KLHL1: variants seen among roughly 807,000 people sequenced by gnomAD.
KLHL1 encodes the protein kelch-like protein 1.
KLHL1 carries 47 observed loss-of-function variants against 77.7 expected under a neutral mutation model. The ratio of observed to expected loss-of-function variants is 0.60; its 90% CI spans 0.48 to 0.77. The LOEUF (loss-of-function observed/expected upper bound fraction) is 0.77. Among genes scored for constraint, KLHL1 ranks in the 30% least tolerant of loss-of-function variants. KLHL1 has a pLI of 0.00. For missense variants in KLHL1, 925 were observed against 910.8 expected (o/e 1.02, Z -0.20); for synonymous variants, 360 against 325.2 (o/e 1.11, Z -1.15).
chr13:69,867,622 A>G lies in KLHL1; in HGVS notation c.1227+14661T>C, dbSNP rs575296952. Among the ~76,000 whole-genome samples, 178 of 152,160 alleles carry G rather than the reference A, an allele frequency of 1.2e-3. 1 individual carries two copies. The highest frequency in any genetic ancestry group is 2.1e-3 in the Non-Finnish European group (146 of 67,996). On this transcript the variant is annotated intron_variant, in intron 5 of 10. Coordinates refer to ENST00000377844, the MANE Select transcript of KLHL1 (RefSeq NM_020866.3). ...TTATAATTAATTTGATTACTTAAAA[A>G]TGTATTTATTAAATCATCATTTCAT...
intron 7 of KLHL1, among the ~76,000 whole-genome samples, chr13:69,754,976 C>T (rs1002940725): frequency 3.9e-5 from 6 of 152,086 alleles, no homozygotes; most frequent in African/African-American, 1.4e-4. Flanking sequence ...ATCTATGACC[C>T]TGCAATACTT....
intron 7 of KLHL1, among the ~76,000 whole-genome samples, chr13:69,761,113 C>A (rs777187801): frequency 2.6e-5 from 4 of 152,074 alleles, no homozygotes; most frequent in Non-Finnish European, 4.4e-5. Flanking sequence ...AACCTTAAGA[C>A]AAATTAAATT....
At chr13:69,777,323 T>G (rs941444947) in intron 7 of KLHL1, among the ~76,000 whole-genome samples, 3 of 152,168 alleles carry the variant, frequency 2.0e-5, no homozygotes, top group African/African-American at 7.2e-5. Context: ...CTCTATTATT[T>G]GAAATTTGGG....
At position 69,972,430 on chromosome 13, in the gene KLHL1, T is replaced by G. The variant is rs116053544; in HGVS notation, c.680+3190A>C. On this transcript the variant is annotated intron_variant, in intron 2 of 10. Transcript: ENST00000377844. ...GTCTGTAGAATAGGATACTTTTCTA[T>G]CTATCAAATATCATCATTTTATTCT... Among the ~76,000 whole-genome samples, 352 of 152,078 alleles carry G rather than the reference T, an allele frequency of 2.3e-3. 5 individuals carry two copies. Among genetic ancestry groups the G allele is most frequent in the African/African-American group, 8.0e-3 (334 of 41,572 alleles).
chr13:70,003,003 C>A (rs1885333676), intron 1 of KLHL1, among the ~76,000 whole-genome samples: 1 of 151,282 alleles, frequency 6.6e-6, no homozygotes, highest in Admixed American at 6.6e-5. Flanking sequence ...TGTAGATATG[C>A]AAATAAATAA....
chr13:69,954,395 T>C (rs370103127), intron 3 of KLHL1, among the ~76,000 whole-genome samples: 5 of 151,098 alleles, frequency 3.3e-5, no homozygotes, highest in South Asian at 4.2e-4. Context: ...CTTGGAAAAA[T>C]GGTGATTGAA....
chr13:70,007,680 T>C (rs940746934), intron 1 of KLHL1, among the ~76,000 whole-genome samples: 2 of 152,032 alleles, frequency 1.3e-5, no homozygotes, highest in African/African-American at 4.8e-5. Flanking sequence ...AACCATTATA[T>C]AGAAAATAAT....
At chr13:69,919,375 A>C (rs1271610030) in intron 4 of KLHL1, among the ~76,000 whole-genome samples, 1 of 152,076 alleles carries the variant, frequency 6.6e-6, no homozygotes, top group Non-Finnish European at 1.5e-5. Flanking sequence ...GACAGACATA[A>C]ATTTTTCTTT....
At chr13:70,043,112 C>T (rs950042325) in intron 1 of KLHL1, among the ~76,000 whole-genome samples, 2 of 152,090 alleles carry the variant, frequency 1.3e-5, no homozygotes, top group African/African-American at 2.4e-5. Flanking sequence ...ACCATGTTAG[C>T]CAGGCTGATC....
intron 1 of KLHL1, among the ~76,000 whole-genome samples, chr13:70,061,607 T>C (rs1263201450): frequency 2.0e-5 from 3 of 152,100 alleles, no homozygotes; most frequent in African/African-American, 7.2e-5. Context: ...ACAATCCAAT[T>C]TGTAGCTTTT....
At chr13:69,932,292 T>C (rs1371085713) in intron 4 of KLHL1, among the ~76,000 whole-genome samples, 4 of 151,756 alleles carry the variant, frequency 2.6e-5, no homozygotes, top group Non-Finnish European at 5.9e-5. Context: ...GATTTTTGTA[T>C]GTATAAAAAC....
At chr13:69,720,532 C>T (rs1872996795) in intron 8 of KLHL1, among the ~76,000 whole-genome samples, 1 of 152,010 alleles carries the variant, frequency 6.6e-6, no homozygotes, top group African/African-American at 2.4e-5. Context: ...ACATAAATGT[C>T]ATTTACTACT....
chr13:70,066,480 G>A (rs572533597), intron 1 of KLHL1, among the ~76,000 whole-genome samples: 1 of 152,260 alleles, frequency 6.6e-6, no homozygotes, highest in South Asian at 2.1e-4. Context: ...AGGTCAATGA[G>A]TTATGACATC....
intron 5 of KLHL1, among the ~76,000 whole-genome samples, chr13:69,880,828 C>T (rs11843309): frequency 0.021 from 3,173 of 152,208 alleles, 111 homozygotes; most frequent in African/African-American, 0.071. Context: ...CCAAACTCCC[C>T]ACATTTCAAC....
intron 5 of KLHL1, among the ~76,000 whole-genome samples, chr13:69,849,838 T>C (rs1879614456): frequency 6.6e-6 from 1 of 151,504 alleles, no homozygotes; most frequent in Non-Finnish European, 1.5e-5. Context: ...CTTGAATCTA[T>C]TAATTTATTT....
At chr13:69,744,769 G>T (rs1874137593) in intron 7 of KLHL1, among the ~76,000 whole-genome samples, 1 of 151,730 alleles carries the variant, frequency 6.6e-6, no homozygotes, top group Admixed American at 6.6e-5. Flanking sequence ...ATTTAAAGTT[G>T]TTATCTGTGA....
chr13:69,736,471 A>C (rs933583191), intron 8 of KLHL1, among the ~76,000 whole-genome samples: 21 of 152,298 alleles, frequency 1.4e-4, no homozygotes, highest in Non-Finnish European at 1.5e-5. Flanking sequence ...CTTCTATGGA[A>C]AACAGTGTGG....
chr13:70,007,533 T>C (rs966392472), intron 1 of KLHL1, among the ~76,000 whole-genome samples: 5 of 151,934 alleles, frequency 3.3e-5, no homozygotes, highest in African/African-American at 1.2e-4. Flanking sequence ...GTAAAAGCAG[T>C]GTAGCCTAGA....
intron 1 of KLHL1, among the ~76,000 whole-genome samples, chr13:70,012,907 A>AT (rs371995120): frequency 6.6e-6 from 1 of 151,362 alleles, no homozygotes; most frequent in African/African-American, 2.4e-5. Flanking sequence ...TGTATAAAAA[A>AT]AATAATAATA....
Sources: allele counts gnomAD v4.1 joint callset (sites outside exome capture counted in the v4.1 genomes callset), GRCh38; gene constraint gnomAD v4.1.1; transcripts MANE v1.5; gene names NCBI Gene and HGNC (gene_info 2026-07-23, HGNC 2026-07-21).